The following CAMK1D variants were observed in gnomAD, a reference collection of about 807,000 sequenced individuals.
The protein encoded by CAMK1D is calcium/calmodulin dependent protein kinase ID.
CAMK1D carries 9 observed loss-of-function variants against 47.7 expected under a neutral mutation model. The observed-to-expected ratio is 0.19, with a 90% CI of 0.11 to 0.33. The LOEUF is 0.33. CAMK1D is among the 10% of genes least tolerant of loss of function. CAMK1D has a pLI of 1.00. For synonymous variants in CAMK1D, 184 were observed against 184.9 expected, an observed-to-expected ratio of 0.99 and a Z score of 0.04; for missense variants, 291 against 488.7, an observed-to-expected ratio of 0.60 and a Z score of 3.81.
intron 1 of CAMK1D, among the ~76,000 whole-genome samples, chr10:12,381,006 G>A (rs1229581640): frequency 1.3e-5 from 2 of 152,236 alleles, no homozygotes; most frequent in African/African-American, 4.8e-5. Context: ...TCAATGAAAA[G>A]TATATGCCTG....
intron 3 of CAMK1D, among the ~76,000 whole-genome samples, chr10:12,719,922 GCA>G (rs2130780903): frequency 6.6e-6 from 1 of 152,328 alleles, no homozygotes; most frequent in African/African-American, 2.4e-5. Context: ...TCGAGTTTTA[GCA>G]CACAGAAGAA....
chr10:12,717,684 G>A (rs1273626322), intron 3 of CAMK1D, among the ~76,000 whole-genome samples: 3 of 148,144 alleles, frequency 2.0e-5, no homozygotes, highest in East Asian at 3.9e-4. Flanking sequence ...CCAGGAGTTC[G>A]AGACCAGCCT....
At chr10:12,601,784 A>G (rs1838311986) in intron 2 of CAMK1D, among the ~76,000 whole-genome samples, 1 of 152,210 alleles carries the variant, frequency 6.6e-6, no homozygotes, top group Non-Finnish European at 1.5e-5. Flanking sequence ...TTAAAGAGAC[A>G]AATTCTAAAC....
At chr10:12,798,720 C>T (rs1301328423) in intron 6 of CAMK1D, among the ~76,000 whole-genome samples, 1 of 152,282 alleles carries the variant, frequency 6.6e-6, no homozygotes, top group Non-Finnish European at 1.5e-5. Context: ...CAATTAGAAA[C>T]ATAGTGTTTA....
At position 12,769,653 on chromosome 10, in the gene CAMK1D, TTTTC is replaced by T. The variant is rs549476928; in HGVS notation, c.439-17_439-14del. ...GCTTTACACGTAGTTTGTAATGTTT[TTTTC>T]TTATTTTCTTTCTAGCCCGAAAATC... On this transcript the variant is annotated splice_polypyrimidine_tract_variant and intron_variant, in intron 4 of 10. Transcript: ENST00000619168. 230 of 1,613,418 alleles carry T rather than the reference TTTTC, an allele frequency of 1.4e-4. 1 individual carries two copies. The African/African-American group carries it at 2.5e-3, about 18-fold the overall frequency.
At chr10:12,603,639 G>A (rs1187982822) in intron 2 of CAMK1D, among the ~76,000 whole-genome samples, 2 of 152,116 alleles carry the variant, frequency 1.3e-5, no homozygotes, top group Non-Finnish European at 2.9e-5. Flanking sequence ...CAGTCAGCCC[G>A]CGGCTGGATT....
chr10:12,424,744 G>C (rs1474739312), intron 1 of CAMK1D, among the ~76,000 whole-genome samples: 1 of 152,100 alleles, frequency 6.6e-6, no homozygotes, highest in Non-Finnish European at 1.5e-5. Context: ...AGGAGATCAC[G>C]GCTGCAGTGA....
At chr10:12,513,744 TG>T (rs1337212359) in intron 1 of CAMK1D, among the ~76,000 whole-genome samples, 1 of 152,120 alleles carries the variant, frequency 6.6e-6, no homozygotes, top group East Asian at 1.9e-4. Flanking sequence ...GAGGCTTCAG[TG>T]GGCCGTGATC....
chr10:12,698,946 C>T (rs1833404137), intron 3 of CAMK1D, among the ~76,000 whole-genome samples: 1 of 152,076 alleles, frequency 6.6e-6, no homozygotes, highest in Non-Finnish European at 1.5e-5. Context: ...GCTGGGATTA[C>T]AGGCATGAGC....
chr10:12,478,837 C>A (rs1297932546), intron 1 of CAMK1D, among the ~76,000 whole-genome samples: 1 of 152,194 alleles, frequency 6.6e-6, no homozygotes. Context: ...ATCCTCCCCG[C>A]TGTTTCTGAG....
rs948417719 is a variant in CAMK1D, at chr10:12,833,829, G to C, written c.*4942G>C. 1.4e-5 allele frequency: 2 copies of C among 146,732 alleles called. No homozygotes were observed. Among genetic ancestry groups the C allele is most frequent in the African/African-American group, 5.1e-5 (2 of 39,538 alleles). 9.1% of individuals were successfully genotyped at this position (146,732 alleles called of 1,614,324 possible). A position where few individuals can be genotyped will look rare whatever the true frequency, so the allele number is the denominator to read the frequency against. On this transcript the variant is annotated 3_prime_UTR_variant, in exon 11 of 11. Coordinates refer to ENST00000619168, the MANE Select transcript of CAMK1D (RefSeq NM_153498.4). The stretch of plus-strand genomic sequence containing the variant: ...AACCTTTGCATGTTCTTCTGAAACT[G>C]TACTTCTTCCCTATTCTGTCTACCC...
intron 2 of CAMK1D, among the ~76,000 whole-genome samples, chr10:12,580,604 A>T (rs577836558): frequency 1.3e-5 from 2 of 152,180 alleles, no homozygotes; most frequent in Admixed American, 1.3e-4. Flanking sequence ...TGTAAATCAT[A>T]AAAGATTGTA....
At chr10:12,744,087 G>A (rs1835556380) in intron 3 of CAMK1D, among the ~76,000 whole-genome samples, 1 of 152,030 alleles carries the variant, frequency 6.6e-6, no homozygotes, top group Non-Finnish European at 1.5e-5. Context: ...ATAATATGTG[G>A]CCTTTTGTGT....
intron 1 of CAMK1D, among the ~76,000 whole-genome samples, chr10:12,368,398 C>T (rs1272398240): frequency 1.3e-5 from 2 of 150,678 alleles, no homozygotes; most frequent in Non-Finnish European, 2.9e-5. Flanking sequence ...ACAGCAAGAC[C>T]CTATTAAAAA....
At chr10:12,503,028 G>A (rs557819835) in intron 1 of CAMK1D, among the ~76,000 whole-genome samples, 1 of 151,610 alleles carries the variant, frequency 6.6e-6, no homozygotes, top group Non-Finnish European at 1.5e-5. Flanking sequence ...ATATATGCAT[G>A]TGTGTGTGTG....
intron 3 of CAMK1D, among the ~76,000 whole-genome samples, chr10:12,724,350 C>G (rs1453616463): frequency 1.3e-5 from 2 of 152,156 alleles, no homozygotes; most frequent in Non-Finnish European, 1.5e-5. Flanking sequence ...CATTCGTGTG[C>G]ATGGAGAAGG....
At chr10:12,755,453 A>T (rs1836184717) in intron 3 of CAMK1D, among the ~76,000 whole-genome samples, 1 of 152,240 alleles carries the variant, frequency 6.6e-6, no homozygotes, top group Non-Finnish European at 1.5e-5. Flanking sequence ...ATAGTGCTGC[A>T]GTAAACATAC....
In CAMK1D at chr10:12,671,240, A is replaced by G. The variant is rs182229673; in HGVS notation, c.299+4430A>G. Among the ~76,000 whole-genome samples, 54 of 152,290 alleles carry G rather than the reference A, an allele frequency of 3.5e-4. No homozygotes were observed. In the East Asian group the frequency reaches 9.4e-3, roughly 27 times the overall value. On this transcript the variant is annotated intron_variant, in intron 3 of 10. Coordinates refer to ENST00000619168, the MANE Select transcript of CAMK1D (RefSeq NM_153498.4). ...TAGGTTGTCTCACTTTTTGGCTAAT[A>G]TGAATAATGATGCAGGCATTTTCAT...
chr10:12,441,179 C>A (rs1832774385), intron 1 of CAMK1D, among the ~76,000 whole-genome samples: 1 of 152,192 alleles, frequency 6.6e-6, no homozygotes, highest in Non-Finnish European at 1.5e-5. Context: ...GCTCTCATGT[C>A]ACATATGACT....
Sources: gnomAD v4.1 joint callset for allele counts (sites outside exome capture counted in the v4.1 genomes callset) on GRCh38, gnomAD v4.1.1 for gene constraint, MANE v1.5 for transcripts, NCBI Gene and HGNC (gene_info 2026-07-23, HGNC 2026-07-21) for gene names.